SEZ6L: variants seen among roughly 807,000 people sequenced by gnomAD.
SEZ6L encodes the protein seizure 6-like protein.
SEZ6L carries 37 observed loss-of-function variants against 106.2 expected under a neutral mutation model. The observed-to-expected ratio is 0.35, with a 90% CI of 0.27 to 0.46. SEZ6L has a LOEUF of 0.46. Ranked by LOEUF, SEZ6L falls within the 20% of genes least tolerant of loss-of-function variation. The pLI is 1.00. For missense variants in SEZ6L, 1,172 were observed against 1,332.8 expected (o/e 0.88, Z 1.88); for synonymous variants, 541 against 570.4 (o/e 0.95, Z 0.73).
At chr22:26,302,762 TA>T (rs1433591904) in intron 5 of SEZ6L, among the ~76,000 whole-genome samples, 1 of 152,224 alleles carries the variant, frequency 6.6e-6, no homozygotes, top group Admixed American at 6.5e-5. Flanking sequence ...CCATTTGTGC[TA>T]AGAAAGATGG....
At chr22:26,174,962 T>G (rs963712551) in intron 1 of SEZ6L, among the ~76,000 whole-genome samples, 1 of 152,208 alleles carries the variant, frequency 6.6e-6, no homozygotes, top group Non-Finnish European at 1.5e-5. Context: ...TTGTATGGAC[T>G]GGGGAAACTG....
At chr22:26,359,712 G>A (rs551769489) in intron 12 of SEZ6L, among the ~76,000 whole-genome samples, 98 of 152,230 alleles carry the variant, frequency 6.4e-4, no homozygotes, top group Non-Finnish European at 1.2e-3. Context: ...GGCTAAGGTG[G>A]GAGGATCTCT....
At chr22:26,271,864 G>A (rs932426521) in intron 1 of SEZ6L, among the ~76,000 whole-genome samples, 1 of 152,194 alleles carries the variant, frequency 6.6e-6, no homozygotes, top group African/African-American at 2.4e-5. Context: ...AATGTCTACA[G>A]TTGTACTATT....
intron 11 of SEZ6L, among the ~76,000 whole-genome samples, chr22:26,348,586 G>GAAAGAAAGAAAGAA (rs1483427654): frequency 1.7e-5 from 1 of 57,870 alleles, no homozygotes; most frequent in African/African-American, 1.2e-4. Context: ...AAGAAAGAAA[G>GAAAGAAAGAAAGAA]AGAAAGAAAG....
rs561506581 is a variant in SEZ6L at position 26,223,875 on chromosome 22, G to A, written c.94+54112G>A. ...AGATTGGAGAGTTTGGGGAATACTA[G>A]GCATTTGTAAAACAAAGCTGGTACA... On this transcript the variant is annotated intron_variant, in intron 1 of 16. Coordinates refer to ENST00000248933, the MANE Select transcript of SEZ6L (RefSeq NM_021115.5). Among the ~76,000 whole-genome samples, 7 of 152,250 alleles carry A rather than the reference G, an allele frequency of 4.6e-5. No individual in the cohort carries two copies. In the South Asian group the frequency reaches 1.4e-3, roughly 32 times the overall value.
rs1019587301 is a variant in SEZ6L, at chr22:26,180,399, C to T, written c.94+10636C>T. ...CCTCCGTGCTGTACAATGAAATTTT[C>T]GGGGTTAGGAGTTGACTTTTATTAT... On this transcript the variant is annotated intron_variant, in intron 1 of 16. Transcript: ENST00000248933. Among the ~76,000 whole-genome samples, 6 of 152,146 alleles carry T rather than the reference C, an allele frequency of 3.9e-5. No individual in the cohort carries two copies. In the East Asian group the frequency reaches 7.7e-4, roughly 20 times the overall value.
intron 12 of SEZ6L, among the ~76,000 whole-genome samples, chr22:26,355,470 G>A (rs2083410213): frequency 1.3e-5 from 2 of 152,204 alleles, no homozygotes; most frequent in Non-Finnish European, 1.5e-5. Flanking sequence ...GCTCACGCCT[G>A]TAATCCCAAC....
In SEZ6L at chr22:26,337,719, G is replaced by A. The variant is rs748466304; in HGVS notation, c.2016-2717G>A. Among the ~76,000 whole-genome samples, 24 of 152,176 alleles carry A rather than the reference G, an allele frequency of 1.6e-4. 1 individual carries two copies. Among genetic ancestry groups the A allele is most frequent in the Non-Finnish European group, 2.8e-4 (19 of 68,036 alleles). ...ACTGTCAGGGGGGTAGGAGGAGTCT[G>A]GGGATTTTGTCTTGAAGACATGTGT... On this transcript the variant is annotated intron_variant, in intron 9 of 16. Transcript: ENST00000248933.
intron 9 of SEZ6L, among the ~76,000 whole-genome samples, chr22:26,317,790 A>T (rs1173979157): frequency 6.6e-6 from 1 of 151,956 alleles, no homozygotes; most frequent in African/African-American, 2.4e-5. Context: ...ACCAGGAGAG[A>T]GGGCCCTCAG....
intron 11 of SEZ6L, among the ~76,000 whole-genome samples, chr22:26,348,657 AG>A (rs1434925254): frequency 4.2e-5 from 2 of 47,264 alleles, no homozygotes; most frequent in African/African-American, 1.8e-4. Flanking sequence ...AAAGAAAGAA[AG>A]AAAGAAAGAA....
At chr22:26,199,904 T>TA (rs924481126) in intron 1 of SEZ6L, among the ~76,000 whole-genome samples, 28 of 152,342 alleles carry the variant, frequency 1.8e-4, no homozygotes, top group African/African-American at 6.7e-4. Flanking sequence ...TTCACCACCT[T>TA]ACATCTGTGT....
At chr22:26,281,520 G>A (rs1386265853) in intron 1 of SEZ6L, among the ~76,000 whole-genome samples, 2 of 151,528 alleles carry the variant, frequency 1.3e-5, no homozygotes, top group African/African-American at 4.8e-5. Flanking sequence ...GAATACAGGC[G>A]CCCGCCACCA....
chr22:26,195,337 G>A (rs2145665798), intron 1 of SEZ6L, among the ~76,000 whole-genome samples: 1 of 152,304 alleles, frequency 6.6e-6, no homozygotes, highest in Non-Finnish European at 1.5e-5. Context: ...AAAGTCAGAG[G>A]AAGCTTAGTT....
Position 26,243,008 on chromosome 22 carries a change from T to C in SEZ6L, c.95-49398T>C, listed in dbSNP as rs12170379. Among the ~76,000 whole-genome samples, 1,003 of 152,292 alleles carry C rather than the reference T, an allele frequency of 6.6e-3. 17 individuals carry two copies. Among genetic ancestry groups the C allele is most frequent in the African/African-American group, 0.022 (930 of 41,578 alleles). ...CTGAGGGCAAATCTGTTCCGTATCT[T>C]TGTTTCTGGTGTTTGCCTTGCAACC... On this transcript the variant is annotated intron_variant, in intron 1 of 16. Coordinates refer to ENST00000248933, the MANE Select transcript of SEZ6L (RefSeq NM_021115.5).
chr22:26,341,282 A>T (rs1340723388), intron 10 of SEZ6L, among the ~76,000 whole-genome samples: 1 of 149,260 alleles, frequency 6.7e-6, no homozygotes, highest in African/African-American at 2.5e-5. Flanking sequence ...CAAAAAAAAA[A>T]CCTGCTATCA....
chr22:26,194,617 G>A (rs141184403), intron 1 of SEZ6L, among the ~76,000 whole-genome samples: 2 of 152,318 alleles, frequency 1.3e-5, no homozygotes, highest in East Asian at 1.9e-4. Flanking sequence ...TTAGAAAAGA[G>A]TTGAGGGATC....
At chr22:26,363,311 C>T (rs1232343869) in intron 12 of SEZ6L, among the ~76,000 whole-genome samples, 1 of 152,160 alleles carries the variant, frequency 6.6e-6, no homozygotes, top group Non-Finnish European at 1.5e-5. Context: ...TAGCTGGGAC[C>T]TATACTGTAC....
At chr22:26,334,029 G>A (rs756074652) in intron 9 of SEZ6L, among the ~76,000 whole-genome samples, 46 of 152,196 alleles carry the variant, frequency 3.0e-4, no homozygotes, top group Non-Finnish European at 5.4e-4. Context: ...GGGGCAGGCG[G>A]CAATGCAAAA....
At chr22:26,295,939 T>C (rs2081288665) in intron 3 of SEZ6L, among the ~76,000 whole-genome samples, 1 of 152,114 alleles carries the variant, frequency 6.6e-6, no homozygotes, top group Non-Finnish European at 1.5e-5. Context: ...AATGGGGCTT[T>C]GGTGAATGAG....
Sources: gnomAD v4.1 joint callset for allele counts (sites outside exome capture counted in the v4.1 genomes callset) on GRCh38, gnomAD v4.1.1 for gene constraint, MANE v1.5 for transcripts, NCBI Gene and HGNC (gene_info 2026-07-23, HGNC 2026-07-21) for gene names.